The following ROCK1 variants were observed in gnomAD, a reference collection of about 807,000 sequenced individuals.
ROCK1 encodes the protein rho-associated protein kinase 1.
Under a neutral mutation model 196.8 loss-of-function variants are expected in ROCK1, and 36 were observed. The observed-to-expected ratio is 0.18, with a 90% confidence interval of 0.14 to 0.24. The LOEUF is 0.24. Ranked by LOEUF, ROCK1 falls within the 10% of genes least tolerant of loss-of-function variation. The probability of loss-of-function intolerance (pLI) is 1.00; values close to 1 mark genes in which losing one functional copy is unlikely to be tolerated. For missense variants in ROCK1, 920 were observed against 1,562.0 expected (o/e 0.59, Z 6.93); for synonymous variants, 443 against 515.9 (o/e 0.86, Z 1.91).
chr18:21,038,471 G>A (rs950259476), intron 9 of ROCK1, among the ~76,000 whole-genome samples: 4 of 152,048 alleles, frequency 2.6e-5, no homozygotes, highest in Admixed American at 2.0e-4. Context: ...AGTACTTGAA[G>A]GCAATACAAT....
At chr18:21,083,954 G>A (rs927010059) in intron 1 of ROCK1, among the ~76,000 whole-genome samples, 1 of 152,098 alleles carries the variant, frequency 6.6e-6, no homozygotes. Flanking sequence ...GAATGGCGGG[G>A]GGAAAAGGGG....
intron 1 of ROCK1, among the ~76,000 whole-genome samples, chr18:21,072,309 C>A (rs1013753093): frequency 6.6e-6 from 1 of 152,150 alleles, no homozygotes; most frequent in Non-Finnish European, 1.5e-5. Flanking sequence ...TCAGCATCAC[C>A]CATAAGCAAA....
chr18:20,976,051 G>A (rs1164198627), intron 22 of ROCK1, among the ~76,000 whole-genome samples: 1 of 152,070 alleles, frequency 6.6e-6, no homozygotes, highest in Non-Finnish European at 1.5e-5. Flanking sequence ...AAAAGTCTAG[G>A]AGCTAGTAGT....
chr18:20,989,887 C>T (rs1341786030), intron 18 of ROCK1, among the ~76,000 whole-genome samples: 4 of 151,996 alleles, frequency 2.6e-5, no homozygotes, highest in South Asian at 4.2e-4. Flanking sequence ...GATAAAGAAA[C>T]GGCACAGGAA....
intron 12 of ROCK1, among the ~76,000 whole-genome samples, chr18:21,017,670 T>C (rs1259781574): frequency 2.0e-5 from 3 of 152,000 alleles, no homozygotes; most frequent in South Asian, 2.1e-4. Context: ...TGCAGAGAAT[T>C]TGATTTAAAG....
At position 21,111,009 on chromosome 18, in the gene ROCK1, G is replaced by A. The variant is rs1038853065; in HGVS notation, c.-99C>T. The A allele has an allele frequency of 3.6e-5, 35 of 979,034 alleles. No individual in the cohort carries two copies. Among genetic ancestry groups the A allele is most frequent in the Non-Finnish European group, 5.3e-5 (33 of 626,754 alleles). 60.6% of individuals were successfully genotyped at this position (979,034 alleles called of 1,614,324 possible). ...GTGGGTTCGCAGCCGCGGGGCGGAG[G>A]AGCCGGAACCTCAGGGTCACCAGGT... On this transcript the variant is annotated 5_prime_UTR_variant, in exon 1 of 33. Transcript: ENST00000399799. The surrounding 1 kb of genome is among the most constrained non-coding windows in gnomAD (Gnocchi z 4.2).
At chr18:21,007,061 T>C (rs777911298) in intron 14 of ROCK1, among the ~76,000 whole-genome samples, 3 of 152,170 alleles carry the variant, frequency 2.0e-5, no homozygotes, top group Non-Finnish European at 2.9e-5. Flanking sequence ...ACTGATAGTA[T>C]ACTTATAAAG....
intron 16 of ROCK1, among the ~76,000 whole-genome samples, chr18:21,002,117 C>T (rs2035730336): frequency 6.6e-6 from 1 of 152,094 alleles, no homozygotes; most frequent in Non-Finnish European, 1.5e-5. Context: ...TGTTTCCTAC[C>T]TCTGTCCATT....
intron 10 of ROCK1, among the ~76,000 whole-genome samples, chr18:21,028,050 C>T (rs1464700469): frequency 3.4e-5 from 5 of 148,722 alleles, no homozygotes; most frequent in Non-Finnish European, 4.5e-5. Flanking sequence ...CGTGAGCCAC[C>T]GCGCCCGGCC....
At chr18:21,042,861 C>T in intron 6 of ROCK1, 152 bp from the exon 7 acceptor site, 1 of 676,348 alleles carries the variant, frequency 1.5e-6, no homozygotes. Flanking sequence ...CAAAAATTAA[C>T]ACAGCTTAAT....
chr18:20,983,500 A>T (rs2035551484), intron 20 of ROCK1, among the ~76,000 whole-genome samples: 2 of 151,952 alleles, frequency 1.3e-5, no homozygotes, highest in Non-Finnish European at 2.9e-5. Flanking sequence ...TTCAATAATT[A>T]TTTACTGTAT....
At chr18:21,052,653 G>A (rs367622821) in intron 2 of ROCK1, among the ~76,000 whole-genome samples, 5 of 152,082 alleles carry the variant, frequency 3.3e-5, no homozygotes, top group South Asian at 2.1e-4. Context: ...GATCAGCAGC[G>A]GCATTAGATT....
At position 20,959,936 on chromosome 18, in the gene ROCK1, A is replaced by C. The variant is rs2035310641; in HGVS notation, c.3424-8T>G. Reference sequence around the variant, plus strand: ...GCTGCTTACCACAACATACTGAAATAAGAAAAAGGGGGGAAGAGTTACAAG... The same window carrying C: ...GCTGCTTACCACAACATACTGAAATCAGAAAAAGGGGGGAAGAGTTACAAG... On this transcript the variant is annotated splice_region_variant and splice_polypyrimidine_tract_variant and intron_variant, in intron 28 of 32. Coordinates refer to ENST00000399799, the MANE Select transcript of ROCK1 (RefSeq NM_005406.3). The C allele has an allele frequency of 3.9e-6, 6 of 1,547,996 alleles. No individual in the cohort carries two copies. The highest frequency in any genetic ancestry group is 5.3e-6 in the Non-Finnish European group (6 of 1,124,736).
chr18:21,083,607 G>C (rs1452544587), intron 1 of ROCK1, among the ~76,000 whole-genome samples: 1 of 152,182 alleles, frequency 6.6e-6, no homozygotes, highest in Non-Finnish European at 1.5e-5. Flanking sequence ...TCAATGTGAA[G>C]ATGGTGAATA....
chr18:21,110,689 G>A, intron 1 of ROCK1, 129 bp downstream of exon 1: 1 of 763,916 alleles, frequency 1.3e-6, no homozygotes. Context: ...GATTCTTCAG[G>A]AAACAGAAAT....
At chr18:20,965,839 A>G (rs2035369288) in intron 27 of ROCK1, among the ~76,000 whole-genome samples, 1 of 152,162 alleles carries the variant, frequency 6.6e-6, no homozygotes, top group African/African-American at 2.4e-5. Context: ...ATTTTGACCT[A>G]GCAAAGCCAC....
chr18:21,078,272 T>C (rs775214466), intron 1 of ROCK1, among the ~76,000 whole-genome samples: 9 of 150,632 alleles, frequency 6.0e-5, no homozygotes, highest in Non-Finnish European at 1.2e-4. Context: ...GGGGCTGCAA[T>C]GAGCTGAGAT....
chr18:20,959,139 TTATATAA>T, intron 29 of ROCK1, among the ~76,000 whole-genome samples: 1 of 62,672 alleles, frequency 1.6e-5, no homozygotes, highest in Non-Finnish European at 2.6e-5. Context: ...ATTATATATA[TTATATAA>T]AATATATATA....
At chr18:21,031,870 T>C (rs1056229426) in intron 9 of ROCK1, among the ~76,000 whole-genome samples, 1 of 151,974 alleles carries the variant, frequency 6.6e-6, no homozygotes, top group Non-Finnish European at 1.5e-5. Context: ...ACAGCAGATC[T>C]GAACAGGCAG....
Sources: allele counts gnomAD v4.1 joint callset (sites outside exome capture counted in the v4.1 genomes callset), GRCh38; gene constraint gnomAD v4.1.1; non-coding constraint Gnocchi (gnomAD v3.1); transcripts MANE v1.5; gene names NCBI Gene and HGNC (gene_info 2026-07-23, HGNC 2026-07-21).